Variants in SMC2 observed in about 807,000 individuals in gnomAD.
SMC2 encodes structural maintenance of chromosomes 2.
In SMC2, 41 loss-of-function variants were observed where a neutral mutation model predicts 142.6. That is an observed-to-expected ratio of 0.29 (90% CI 0.22 to 0.37). SMC2 has a LOEUF of 0.37. Among genes scored for constraint, SMC2 ranks in the 10% least tolerant of loss-of-function variants. The pLI, the probability that SMC2 is intolerant of heterozygous loss-of-function variation, is 1.00. For missense variants in SMC2, 1,265 were observed against 1,373.7 expected (o/e 0.92, Z 1.25); for synonymous variants, 463 against 457.5 (o/e 1.01, Z -0.15).
rs1321302507 is a variant in SMC2 at position 104,140,328 on chromosome 9, A to G, written c.*1013A>G. 1.3e-5 allele frequency: 2 copies of G among 152,166 alleles called. No homozygotes were observed. The highest frequency in any genetic ancestry group is 2.9e-5 in the Non-Finnish European group (2 of 68,012). 9.4% of individuals were successfully genotyped at this position (152,166 alleles called of 1,614,324 possible). A position where few individuals can be genotyped will look rare whatever the true frequency, so the allele number is the denominator to read the frequency against. ...GGATGAAATTCCTTTAGAACTTGAAAGATGACACTAGCGAACACCATGAGA... is the reference window on the plus strand; with the variant it reads ...GGATGAAATTCCTTTAGAACTTGAAGGATGACACTAGCGAACACCATGAGA... On this transcript the variant is annotated 3_prime_UTR_variant, in exon 25 of 25. Transcript: ENST00000374793.
rs57501335 is a variant in SMC2 at position 104,098,837 on chromosome 9, T to TAA, written c.441+280_441+281dup. On this transcript the variant is annotated intron_variant, in intron 4 of 24. Transcript: ENST00000374793. ...CTAAAAGAACAATACATGTTAACTG[T>TAA]AAAAAAAAAAAAGCCATAATATATC... Among the ~76,000 whole-genome samples the TAA allele has an allele frequency of 8.4e-3, 1,220 of 145,480 alleles. 8 individuals carry two copies. The highest frequency in any genetic ancestry group is 0.029 in the South Asian group (132 of 4,626).
intron 14 of SMC2, among the ~76,000 whole-genome samples, chr9:104,117,050 T>TA (rs1192794733): frequency 6.6e-6 from 1 of 152,204 alleles, no homozygotes; most frequent in Non-Finnish European, 1.5e-5. Context: ...TATCCTTAGT[T>TA]ACATTCAGAA....
intron 15 of SMC2, among the ~76,000 whole-genome samples, chr9:104,119,757 G>A (rs1424380399): frequency 6.6e-6 from 1 of 152,124 alleles, no homozygotes; most frequent in African/African-American, 2.4e-5. Flanking sequence ...AAATCACGTA[G>A]GCAAGTCCAG....
In SMC2 at chr9:104,101,978, G is replaced by C; in HGVS notation, c.655G>C (p.Glu219Gln). ...KLKEERSSYL[E>Q]YQKVMREIEH... ...CTTTCAGGAAAGATCGTCCTACTTGGAGTACCAAAAAGTAATGAGAGAAAT... is the reference window on the plus strand; with the variant it reads ...CTTTCAGGAAAGATCGTCCTACTTGCAGTACCAAAAAGTAATGAGAGAAAT... Residue 219 changes from glutamate to glutamine, a missense_variant, in exon 8 of 25, where the codon GAG (glutamate) becomes CAG (glutamine). This residue lies in a region of SMC2 where 898 missense variants were observed against 904.2 expected (regional missense o/e 0.99). Transcript: ENST00000374793. 1 of 1,594,946 alleles carries C rather than the reference G, an allele frequency of 6.3e-7. No individual in the cohort carries two copies. The highest frequency in any genetic ancestry group is 8.5e-7 in the Non-Finnish European group (1 of 1,170,628).
rs1564128213 is a variant in SMC2, at chr9:104,140,663, T to C, written c.*1348T>C. On this transcript the variant is annotated 3_prime_UTR_variant, in exon 25 of 25. Coordinates refer to ENST00000374793, the MANE Select transcript of SMC2 (RefSeq NM_006444.3). ...AATCTGGAATTAGTTCTGTCCACTG[T>C]GGAGGGGAGAGGAAATAATGCTGTA... 1 of 152,594 alleles carries C rather than the reference T, an allele frequency of 6.6e-6. No individual in the cohort carries two copies. Among genetic ancestry groups the C allele is most frequent in the East Asian group, 1.9e-4 (1 of 5,196 alleles). The allele number at this position is 152,594 out of a possible 1,614,324, so 9.5% of individuals were successfully genotyped here. A position where few individuals can be genotyped will look rare whatever the true frequency, so the allele number is the denominator to read the frequency against.
intron 24 of SMC2, among the ~76,000 whole-genome samples, chr9:104,138,863 G>T (rs996001467): frequency 6.6e-6 from 1 of 152,010 alleles, no homozygotes; most frequent in Non-Finnish European, 1.5e-5. Context: ...TATCTCACTA[G>T]AGCAGCTTTA....
intron 21 of SMC2, among the ~76,000 whole-genome samples, chr9:104,130,193 A>G (rs1173566922): frequency 1.3e-5 from 2 of 152,158 alleles, no homozygotes; most frequent in Non-Finnish European, 2.9e-5. Context: ...CTGAAACTAT[A>G]TAAGTAATGA....
chr9:104,091,757 A>C (rs539362800), upstream of SMC2, among the ~76,000 whole-genome samples: 1 of 152,144 alleles, frequency 6.6e-6, no homozygotes, highest in African/African-American at 2.4e-5. Flanking sequence ...AAAATTAGAA[A>C]AGTATACCCA....
chr9:104,091,556 G>A (rs1416550076), upstream of SMC2, among the ~76,000 whole-genome samples: 1 of 152,150 alleles, frequency 6.6e-6, no homozygotes, highest in Non-Finnish European at 1.5e-5. Context: ...TAAAAGTGCT[G>A]CTAGTCAATC....
intron 9 of SMC2, among the ~76,000 whole-genome samples, chr9:104,107,714 CAA>C (rs1202559676): frequency 6.6e-6 from 1 of 152,210 alleles, no homozygotes; most frequent in Non-Finnish European, 1.5e-5. Context: ...GCTTTCTGTC[CAA>C]GTGACCTTGA....
At chr9:104,135,139 TA>T (rs1835393715) in intron 23 of SMC2, among the ~76,000 whole-genome samples, 1 of 152,004 alleles carries the variant, frequency 6.6e-6, no homozygotes, top group African/African-American at 2.4e-5. Context: ...CTAAACAATA[TA>T]ACCACAATGT....
intron 14 of SMC2, among the ~76,000 whole-genome samples, chr9:104,117,126 T>A (rs550417436): frequency 1.9e-3 from 293 of 152,288 alleles, no homozygotes; most frequent in African/African-American, 6.7e-3. Flanking sequence ...AGAGGGAGGA[T>A]GAGTGCTGAG....
intron 16 of SMC2, among the ~76,000 whole-genome samples, chr9:104,120,372 T>TA (rs1833598042): frequency 6.6e-6 from 1 of 152,244 alleles, no homozygotes; most frequent in African/African-American, 2.4e-5. Flanking sequence ...TAGCAAAATC[T>TA]ATTTAAGCAA....
At chr9:104,093,718 C>G (rs1225289472), upstream of SMC2, among the ~76,000 whole-genome samples, 6 of 152,156 alleles carry the variant, frequency 3.9e-5, no homozygotes, top group South Asian at 1.0e-3. Flanking sequence ...CCCTTTCCGA[C>G]GTGGAAACTT....
upstream of SMC2, among the ~76,000 whole-genome samples, chr9:104,089,733 C>G (rs1564054248): frequency 6.6e-6 from 1 of 152,054 alleles, no homozygotes; most frequent in Non-Finnish European, 1.5e-5. Flanking sequence ...CAACTTGTGT[C>G]CGCCTCCTGG....
chr9:104,090,033 G>A (rs1219275026), upstream of SMC2, among the ~76,000 whole-genome samples: 3 of 152,166 alleles, frequency 2.0e-5, no homozygotes, highest in Non-Finnish European at 4.4e-5. Flanking sequence ...TAGAGAATGT[G>A]AGCTCTGTAA....
In SMC2 at chr9:104,116,408, T is replaced by C. The variant is rs1833122964; in HGVS notation, c.1791+89T>C. The stretch of plus-strand genomic sequence containing the variant: ...ACATTAATTTTGAGGGACATAATCA[T>C]ATGCAGAACCACAAAATTAAAATAC... On this transcript the variant is annotated intron_variant, in intron 14 of 24. Coordinates refer to ENST00000374793, the MANE Select transcript of SMC2 (RefSeq NM_006444.3). The C allele has an allele frequency of 1.2e-5, 15 of 1,218,012 alleles. No individual in the cohort carries two copies. In the South Asian group the frequency reaches 2.3e-4, roughly 19 times the overall value. 75.5% of individuals were successfully genotyped at this position (1,218,012 alleles called of 1,614,324 possible). A position where few individuals can be genotyped will look rare whatever the true frequency, so the allele number is the denominator to read the frequency against.
chr9:104,136,881 A>G (rs539900564), intron 23 of SMC2, among the ~76,000 whole-genome samples: 21 of 150,712 alleles, frequency 1.4e-4, no homozygotes, highest in African/African-American at 4.2e-4. Flanking sequence ...ATGGTGGCTC[A>G]TGCCTGTAAT....
intron 1 of SMC2, chr9:104,094,763 C>G (rs943033758): frequency 3.6e-5 from 8 of 222,978 alleles, no homozygotes; most frequent in Non-Finnish European, 7.0e-5. Context: ...ATGACTTCCC[C>G]TCCTCCCGGA....
Sources: allele counts gnomAD v4.1 joint callset (sites outside exome capture counted in the v4.1 genomes callset), GRCh38; gene constraint gnomAD v4.1.1; regional missense constraint gnomAD v4.1.1; transcripts MANE v1.5; gene names NCBI Gene and HGNC (gene_info 2026-07-23, HGNC 2026-07-21).